Variants in SGCD observed in about 807,000 individuals in gnomAD.
SGCD encodes delta-sarcoglycan.
SGCD carries 18 observed loss-of-function variants against 36.6 expected under a neutral mutation model. That is an observed-to-expected ratio of 0.49 (90% confidence interval 0.34 to 0.73). The LOEUF is 0.73. Ranked by LOEUF, SGCD falls within the 30% of genes least tolerant of loss-of-function variation. SGCD has a pLI of 0.01. For missense variants in SGCD, 387 were observed against 346.7 expected, an observed-to-expected ratio of 1.12 and a Z score of -0.92; for synonymous variants, 133 against 130.6, an observed-to-expected ratio of 1.02 and a Z score of -0.12.
chr5:156,041,418 G>T (rs1032494302), intron 1 of SGCD, among the ~76,000 whole-genome samples: 1 of 152,164 alleles, frequency 6.6e-6, no homozygotes, highest in Non-Finnish European at 1.5e-5. Flanking sequence ...CGATACTTCC[G>T]AAAGGCAGAC....
At chr5:156,647,234 C>T (rs1396414273) in intron 6 of SGCD, among the ~76,000 whole-genome samples, 1 of 152,172 alleles carries the variant, frequency 6.6e-6, no homozygotes, top group Non-Finnish European at 1.5e-5. Flanking sequence ...CATGGCCTCA[C>T]TCTGATCTCA....
intron 6 of SGCD, among the ~76,000 whole-genome samples, chr5:156,603,668 A>G (rs1419351000): frequency 1.3e-5 from 2 of 151,938 alleles, no homozygotes; most frequent in Non-Finnish European, 2.9e-5. Flanking sequence ...TTCATTGTTA[A>G]CTTATTGAGG....
chr5:156,422,348 T>C (rs534730174), intron 3 of SGCD, among the ~76,000 whole-genome samples: 14 of 152,178 alleles, frequency 9.2e-5, no homozygotes, highest in East Asian at 1.9e-4. Flanking sequence ...TTTTGTTTTT[T>C]TTCTTCTGTG....
chr5:156,520,061 A>G (rs912234658), intron 4 of SGCD, among the ~76,000 whole-genome samples: 1 of 152,230 alleles, frequency 6.6e-6, no homozygotes, highest in African/African-American at 2.4e-5. Context: ...AAATAGGAAG[A>G]GAGGAAGTCA....
chr5:156,741,627 A>G (rs1756679028), intron 7 of SGCD, among the ~76,000 whole-genome samples: 1 of 152,082 alleles, frequency 6.6e-6, no homozygotes, highest in Admixed American at 6.5e-5. Flanking sequence ...ATCTTCAAAC[A>G]CGAGCTGTGA....
At chr5:156,516,375 C>T (rs1757167400) in intron 4 of SGCD, among the ~76,000 whole-genome samples, 1 of 152,200 alleles carries the variant, frequency 6.6e-6, no homozygotes, top group South Asian at 2.1e-4. Flanking sequence ...GGTGACACCT[C>T]CAGGTGCAGG....
At chr5:156,726,161 T>G (rs1317657011) in intron 7 of SGCD, among the ~76,000 whole-genome samples, 1 of 152,214 alleles carries the variant, frequency 6.6e-6, no homozygotes, top group Non-Finnish European at 1.5e-5. Flanking sequence ...TGAAATATTT[T>G]AGAACTATTT....
At position 156,259,001 on chromosome 5, in the gene SGCD, G is replaced by T. The variant is rs371792570; in HGVS notation, c.-43-70533G>T. On this transcript the variant is annotated intron_variant, in intron 3 of 9. Transcript: ENST00000517913. ...AATTCTTTACCCTCTTAGTTATTAA[G>T]TGAGAAACACTTATAAGAAACTGGC... Among the ~76,000 whole-genome samples the T allele has an allele frequency of 5.3e-5, 8 of 152,086 alleles. 2 individuals carry two copies. Among genetic ancestry groups the T allele is most frequent in the Admixed American group, 6.5e-5 (1 of 15,278 alleles).
At chr5:156,091,593 G>A (rs560663648) in intron 1 of SGCD, among the ~76,000 whole-genome samples, 14 of 152,296 alleles carry the variant, frequency 9.2e-5, no homozygotes, top group Admixed American at 3.3e-4. Flanking sequence ...GACAGGTCCA[G>A]CCTCCTGGAA....
chr5:156,448,702 A>G (rs907053715), intron 3 of SGCD, among the ~76,000 whole-genome samples: 19 of 150,554 alleles, frequency 1.3e-4, no homozygotes, highest in African/African-American at 4.7e-4. Context: ...GGGTTGCTTA[A>G]AGGGTGGGAG....
At chr5:155,982,011 C>T (rs931375876) in intron 1 of SGCD, among the ~76,000 whole-genome samples, 1 of 152,130 alleles carries the variant, frequency 6.6e-6, no homozygotes, top group African/African-American at 2.4e-5. Flanking sequence ...CTGGAGCTCT[C>T]CTCCTCTCAT....
At chr5:156,375,149 CCT>C (rs1380390700) in intron 3 of SGCD, among the ~76,000 whole-genome samples, 3 of 152,088 alleles carry the variant, frequency 2.0e-5, no homozygotes, top group Non-Finnish European at 2.9e-5. Context: ...TCTCTGTCAA[CCT>C]CTCTCTTTCC....
intron 3 of SGCD, among the ~76,000 whole-genome samples, chr5:156,274,264 C>A (rs1175534893): frequency 2.0e-5 from 3 of 152,116 alleles, no homozygotes; most frequent in Non-Finnish European, 4.4e-5. Flanking sequence ...AATTCTCAAC[C>A]AAATATCAAA....
At chr5:156,274,417 A>T (rs893799769) in intron 3 of SGCD, among the ~76,000 whole-genome samples, 2 of 152,014 alleles carry the variant, frequency 1.3e-5, no homozygotes, top group African/African-American at 4.8e-5. Context: ...GAATTGAAAA[A>T]TGGCCTATGA....
At chr5:156,089,030 C>T (rs1761172111) in intron 1 of SGCD, among the ~76,000 whole-genome samples, 1 of 152,274 alleles carries the variant, frequency 6.6e-6, no homozygotes, top group Admixed American at 6.5e-5. Context: ...GGCACCTTGT[C>T]CCCTGGATGG....
chr5:156,579,050 G>A (rs1196147281), intron 4 of SGCD, among the ~76,000 whole-genome samples: 7 of 152,152 alleles, frequency 4.6e-5, no homozygotes, highest in Admixed American at 4.6e-4. Context: ...TGGGCATTTA[G>A]TGCTATAAAT....
chr5:155,875,088 C>G (rs375688531), intron 1 of SGCD, among the ~76,000 whole-genome samples: 16 of 152,214 alleles, frequency 1.1e-4, no homozygotes, highest in African/African-American at 3.6e-4. Context: ...CTAAAGCAAA[C>G]TATTGATGCA....
intron 4 of SGCD, among the ~76,000 whole-genome samples, chr5:156,521,617 A>G (rs1270564504): frequency 3.3e-5 from 5 of 152,238 alleles, no homozygotes; most frequent in Non-Finnish European, 5.9e-5. Context: ...ACTGATCATT[A>G]GAGAAATCCA....
chr5:155,772,374 C>T, the SGCD span, among the ~76,000 whole-genome samples: 1 of 152,170 alleles, frequency 6.6e-6, no homozygotes, highest in Non-Finnish European at 1.5e-5. Context: ...CAAAAATCTT[C>T]TGGGCTCTCA....
Sources: allele counts gnomAD v4.1 joint callset (sites outside exome capture counted in the v4.1 genomes callset), GRCh38; gene constraint gnomAD v4.1.1; transcripts MANE v1.5; gene names NCBI Gene and HGNC (gene_info 2026-07-23, HGNC 2026-07-21).